The following PTPN4 variants were observed in gnomAD, a reference collection of about 807,000 sequenced individuals.
PTPN4 encodes the protein protein tyrosine phosphatase non-receptor type 4.
PTPN4 carries 49 observed loss-of-function variants against 135.5 expected under a neutral mutation model. The observed-to-expected ratio is 0.36, with a 90% CI of 0.29 to 0.46. The LOEUF (loss-of-function observed/expected upper bound fraction) is 0.46. Ranked by LOEUF, PTPN4 falls within the 20% of genes least tolerant of loss-of-function variation. The pLI, the probability that PTPN4 is intolerant of heterozygous loss-of-function variation, is 1.00. For synonymous variants in PTPN4, 333 were observed against 369.9 expected (o/e 0.90, Z 1.14); for missense variants, 860 against 1,101.0 (o/e 0.78, Z 3.10).
At chr2:119,777,761 C>A (rs1690862595) in intron 1 of PTPN4, among the ~76,000 whole-genome samples, 9 of 152,066 alleles carry the variant, frequency 5.9e-5, no homozygotes. Flanking sequence ...CTCAAGTGAT[C>A]CTCCCACCTC....
At chr2:119,962,450 A>G (rs568524046) in intron 23 of PTPN4, among the ~76,000 whole-genome samples, 166 bp from the exon 24 acceptor site, 6 of 151,910 alleles carry the variant, frequency 3.9e-5, no homozygotes, top group East Asian at 1.9e-4. Flanking sequence ...GCAAAACTCC[A>G]TCGCAAAAAA....
chr2:119,874,243 C>T (rs1349197085), intron 3 of PTPN4, among the ~76,000 whole-genome samples: 2 of 152,116 alleles, frequency 1.3e-5, no homozygotes, highest in Non-Finnish European at 2.9e-5. Context: ...GTAAAAGGTA[C>T]AGCCATTGTG....
intron 15 of PTPN4, among the ~76,000 whole-genome samples, chr2:119,941,116 C>T (rs1010339586): frequency 6.6e-6 from 1 of 151,990 alleles, no homozygotes; most frequent in East Asian, 1.9e-4. Flanking sequence ...TGTGTGTGCA[C>T]TTAGAAATAG....
chr2:119,935,027 T>C, intron 15 of PTPN4, 69 bp downstream of exon 15: 3 of 1,464,666 alleles, frequency 2.0e-6, no homozygotes, highest in Non-Finnish European at 2.8e-6. Flanking sequence ...TAAAATAATC[T>C]GGGAAATTAG....
chr2:119,764,495 T>G (rs1456639366), intron 1 of PTPN4, among the ~76,000 whole-genome samples: 2 of 152,222 alleles, frequency 1.3e-5, no homozygotes, highest in African/African-American at 4.8e-5. Context: ...TTCATGTGCC[T>G]CCTCTTTAAA....
At chr2:119,853,750 C>T (rs1198623517) in intron 2 of PTPN4, among the ~76,000 whole-genome samples, 3 of 152,116 alleles carry the variant, frequency 2.0e-5, no homozygotes, top group Non-Finnish European at 4.4e-5. Flanking sequence ...ACTTCCATTT[C>T]TCCCATTTCA....
Position 119,982,400 on chromosome 2 carries a change from A to C in PTPN4, c.*5330A>C, listed in dbSNP as rs959884911. 2.6e-5 allele frequency: 4 copies of C among 152,146 alleles called. No individual in the cohort carries two copies. Among genetic ancestry groups the C allele is most frequent in the Non-Finnish European group, 2.9e-5 (2 of 68,000 alleles). The allele number at this position is 152,146 out of a possible 1,614,324, so 9.4% of individuals were successfully genotyped here. A position where few individuals can be genotyped will look rare whatever the true frequency, so the allele number is the denominator to read the frequency against. On this transcript the variant is annotated 3_prime_UTR_variant, in exon 27 of 27. Coordinates refer to ENST00000263708, the MANE Select transcript of PTPN4 (RefSeq NM_002830.4). ...ATTCTAAGGATACTCTATTTGTTTT[A>C]AAGTCTACACGGGATTGAAAAGAAA...
At position 119,947,366 on chromosome 2, in the gene PTPN4, T is replaced by C. The variant is rs533362341; in HGVS notation, c.1656+792T>C. On this transcript the variant is annotated intron_variant, in intron 18 of 26. Transcript: ENST00000263708. ...CTCAAAGTTGGTTTGAAAATCACAA[T>C]TGAGATTGATCAAGGATATCATGTT... is the stretch of plus-strand genomic sequence containing the variant. Among the ~76,000 whole-genome samples, 12 of 152,316 alleles carry C rather than the reference T, an allele frequency of 7.9e-5. No individual in the cohort carries two copies. The South Asian group carries it at 1.7e-3, about 21-fold the overall frequency.
In PTPN4 at chr2:119,844,306, G is replaced by A. The variant is rs1185468120; in HGVS notation, c.139-18230G>A. On this transcript the variant is annotated intron_variant, in intron 2 of 26. Coordinates refer to ENST00000263708, the MANE Select transcript of PTPN4 (RefSeq NM_002830.4). ...TCACCCCCCCACCTCCCTCCCGGAC[G>A]GGGCGGCTGGCCGGACGGGGCGGCT... is the stretch of plus-strand genomic sequence containing the variant. Among the ~76,000 whole-genome samples, 48 of 137,688 alleles carry A rather than the reference G, an allele frequency of 3.5e-4. 1 individual carries two copies. The highest frequency in any genetic ancestry group is 5.9e-4 in the Non-Finnish European group (37 of 62,668). The allele number at this position is 137,688 out of a possible 152,430, so 90.3% of individuals were successfully genotyped here.
At chr2:119,802,722 A>G (rs369111359) in intron 1 of PTPN4, among the ~76,000 whole-genome samples, 19 of 152,214 alleles carry the variant, frequency 1.2e-4, no homozygotes, top group African/African-American at 4.3e-4. Context: ...AAAATTGGCT[A>G]CATGGAATGA....
chr2:119,862,289 A>G (rs1355108665), intron 2 of PTPN4, among the ~76,000 whole-genome samples: 1 of 152,200 alleles, frequency 6.6e-6, no homozygotes, highest in Non-Finnish European at 1.5e-5. Flanking sequence ...AGTCATTGGT[A>G]TGAAAACAGT....
intron 10 of PTPN4, among the ~76,000 whole-genome samples, chr2:119,905,225 G>C (rs952920546): frequency 6.6e-6 from 1 of 152,156 alleles, no homozygotes; most frequent in South Asian, 2.1e-4. Flanking sequence ...AAAGAAGACC[G>C]AATTCTATGC....
chr2:119,939,446 G>A (rs1200178864), intron 15 of PTPN4, among the ~76,000 whole-genome samples: 1 of 152,040 alleles, frequency 6.6e-6, no homozygotes, highest in African/African-American at 2.4e-5. Context: ...GACTGCAGGA[G>A]CATGACACCA....
At chr2:119,899,298 CCTGATTATCCTGA>C (rs1553462892) in intron 9 of PTPN4, among the ~76,000 whole-genome samples, 2 of 152,136 alleles carry the variant, frequency 1.3e-5, no homozygotes, top group Non-Finnish European at 2.9e-5. Flanking sequence ...CTGCTCCCTA[CCTGATTATCCTGA>C]CAGTAATTTG....
rs753221021 is a variant in PTPN4, at chr2:119,960,906, G to A, written c.2233G>A (p.Gly745Ser). ...TTTTTGGCAGATGACTTGGGAACAAGGCTCCTCTATGGTTGTAATGTTGAC... is the reference window on the plus strand; with the variant it reads ...TTTTTGGCAGATGACTTGGGAACAAAGCTCCTCTATGGTTGTAATGTTGAC... ...TDFWQMTWEQ[G>S]SSMVVMLTTQ... The change falls in exon 23 of 27, where the codon GGC becomes AGC. Residue 745 changes from glycine (G) to serine (S), a missense_variant. Gly to Ser is a moderately conservative substitution (Grantham distance 56, BLOSUM62 0). Transcript: ENST00000263708. The A allele has an allele frequency of 6.2e-7, 1 of 1,614,012 alleles. No individual in the cohort carries two copies. Among genetic ancestry groups the A allele is most frequent in the Non-Finnish European group, 8.5e-7 (1 of 1,179,950 alleles).
chr2:119,781,618 A>G (rs1487501525), intron 1 of PTPN4, among the ~76,000 whole-genome samples: 1 of 152,208 alleles, frequency 6.6e-6, no homozygotes, highest in Non-Finnish European at 1.5e-5. Context: ...AAATCTGACC[A>G]CCACCTTTTC....
At chr2:119,866,011 T>C (rs944031046) in intron 3 of PTPN4, among the ~76,000 whole-genome samples, 1 of 152,106 alleles carries the variant, frequency 6.6e-6, no homozygotes, top group African/African-American at 2.4e-5. Context: ...TTTTCAGAAT[T>C]TCTCCTGCTT....
chr2:119,895,101 T>C (rs1225530544), intron 9 of PTPN4, among the ~76,000 whole-genome samples: 1 of 152,206 alleles, frequency 6.6e-6, no homozygotes, highest in Admixed American at 6.5e-5. Context: ...AGCGGTTATC[T>C]CTGAGAATGA....
rs545254956 is a variant in PTPN4 at position 119,896,424 on chromosome 2, A to G, written c.676-4294A>G. On this transcript the variant is annotated intron_variant, in intron 9 of 26. Transcript: ENST00000263708. ...TACAGTCTGGATTTTACTTGATCAC[A>G]TATTCATAATGTAATTCAACATAAT... 3.3e-5 allele frequency among the ~76,000 whole-genome samples: 5 copies of G among 152,344 alleles called. 1 individual carries two copies. Among genetic ancestry groups the G allele is most frequent in the East Asian group, 1.9e-4 (1 of 5,190 alleles).
Sources: allele counts gnomAD v4.1 joint callset (sites outside exome capture counted in the v4.1 genomes callset), GRCh38; gene constraint gnomAD v4.1.1; transcripts MANE v1.5; gene names NCBI Gene and HGNC (gene_info 2026-07-23, HGNC 2026-07-21).